The following WWOX variants were observed in gnomAD, a reference collection of about 807,000 sequenced individuals.
WWOX encodes WW domain-containing oxidoreductase.
A neutral mutation model predicts 46.2 loss-of-function variants in WWOX; 69 were observed. That is an observed-to-expected ratio of 1.49 (90% confidence interval 1.23 to 1.82). WWOX has a LOEUF of 1.82. Ranked by LOEUF, WWOX falls within the 40% of genes most tolerant of loss-of-function variation. The pLI, the probability that WWOX is intolerant of heterozygous loss-of-function variation, is 0.00. For missense variants in WWOX, 919 were observed against 542.6 expected (o/e 1.69, Z -6.89); for synonymous variants, 359 against 202.6 (o/e 1.77, Z -6.56).
At chr16:79,189,195 T>C (rs2150803165) in intron 8 of WWOX, among the ~76,000 whole-genome samples, 1 of 152,276 alleles carries the variant, frequency 6.6e-6, no homozygotes, top group Non-Finnish European at 1.5e-5. Context: ...TGGCATTTAA[T>C]TTTGGAAAAA....
chr16:78,948,363 A>G (rs2151299180), intron 8 of WWOX, among the ~76,000 whole-genome samples: 1 of 152,224 alleles, frequency 6.6e-6, no homozygotes, highest in African/African-American at 2.4e-5. Context: ...CTGATGTTGC[A>G]TAGAGCACTC....
intron 8 of WWOX, among the ~76,000 whole-genome samples, chr16:78,923,392 C>T (rs1359163061): frequency 5.3e-5 from 8 of 152,214 alleles, no homozygotes; most frequent in Non-Finnish European, 8.8e-5. Context: ...AAAAATAGAG[C>T]AGTCATTTTC....
intron 8 of WWOX, among the ~76,000 whole-genome samples, chr16:78,776,929 G>C (rs2050205710): frequency 6.6e-6 from 1 of 152,184 alleles, no homozygotes; most frequent in Admixed American, 6.5e-5. Flanking sequence ...AACATGTGGG[G>C]ATTACAGCTT....
intron 8 of WWOX, among the ~76,000 whole-genome samples, chr16:78,826,456 G>A (rs966884133): frequency 2.0e-5 from 3 of 152,198 alleles, no homozygotes; most frequent in African/African-American, 7.2e-5. Context: ...TCTGTTCCTT[G>A]CATCTTTCGT....
At chr16:78,931,680 A>G (rs913789197) in intron 8 of WWOX, among the ~76,000 whole-genome samples, 1 of 152,328 alleles carries the variant, frequency 6.6e-6, no homozygotes, top group South Asian at 2.1e-4. Flanking sequence ...TGCCTGGAAT[A>G]CAGAGGGACA....
At chr16:78,898,392 A>C (rs1244761344) in intron 8 of WWOX, 1 of 152,096 alleles carries the variant, frequency 6.6e-6, no homozygotes, top group Non-Finnish European at 1.5e-5. Context: ...CTATTTGTTC[A>C]AAGACTAATC....
At chr16:78,396,018 C>A (rs1282694913) in intron 6 of WWOX, among the ~76,000 whole-genome samples, 2 of 152,158 alleles carry the variant, frequency 1.3e-5, no homozygotes, top group Non-Finnish European at 2.9e-5. Context: ...TACAGTGGAA[C>A]CCCAGAGCAC....
chr16:79,169,734 A>G (rs948792690), intron 8 of WWOX, among the ~76,000 whole-genome samples: 1 of 152,198 alleles, frequency 6.6e-6, no homozygotes, highest in Non-Finnish European at 1.5e-5. Context: ...GATGGCTGGG[A>G]TCGCCAGTGC....
chr16:78,342,224 A>G (rs1270025127), intron 5 of WWOX, among the ~76,000 whole-genome samples: 2 of 121,616 alleles, frequency 1.6e-5, no homozygotes, highest in South Asian at 2.5e-4. Context: ...GTCAGGGTAC[A>G]TAAGTGTCAG....
At chr16:78,395,917 G>A (rs967150842) in intron 6 of WWOX, among the ~76,000 whole-genome samples, 2 of 151,970 alleles carry the variant, frequency 1.3e-5, no homozygotes, top group Non-Finnish European at 2.9e-5. Flanking sequence ...TTGATTTTAG[G>A]CATCTTTTTC....
chr16:79,007,647 T>G (rs761620928), intron 8 of WWOX, among the ~76,000 whole-genome samples: 2 of 152,214 alleles, frequency 1.3e-5, no homozygotes, highest in Non-Finnish European at 2.9e-5. Context: ...TAAACCTCAC[T>G]GCAGAGTTAT....
chr16:79,018,657 A>T (rs1280186499), intron 8 of WWOX, among the ~76,000 whole-genome samples: 3 of 152,174 alleles, frequency 2.0e-5, no homozygotes, highest in Admixed American at 6.5e-5. Flanking sequence ...CAAACATATC[A>T]TGCTCACCCC....
chr16:78,608,516 C>A (rs2550649), intron 8 of WWOX, among the ~76,000 whole-genome samples: 1 of 151,962 alleles, frequency 6.6e-6, no homozygotes, highest in Non-Finnish European at 1.5e-5. Flanking sequence ...GGAGTTCTCC[C>A]TGCTGTTGGG....
At chr16:78,278,731 T>G in intron 5 of WWOX, 1 of 1,415,328 alleles carries the variant, frequency 7.1e-7, no homozygotes, top group Non-Finnish European at 9.8e-7. Context: ...TTCCTGGTCT[T>G]TTCATGTTTT....
intron 8 of WWOX, among the ~76,000 whole-genome samples, chr16:79,028,727 C>G (rs148515570): frequency 2.0e-5 from 3 of 151,898 alleles, no homozygotes; most frequent in South Asian, 2.1e-4. Context: ...CTCTAAACTT[C>G]TTTCCACAAG....
intron 8 of WWOX, among the ~76,000 whole-genome samples, chr16:78,748,993 C>T (rs1338789542): frequency 6.6e-6 from 1 of 152,248 alleles, no homozygotes; most frequent in African/African-American, 2.4e-5. Flanking sequence ...AAATCAACGA[C>T]TGCAAGGTTT....
chr16:78,385,444 G>C (rs549549641), intron 5 of WWOX, among the ~76,000 whole-genome samples: 48 of 152,294 alleles, frequency 3.2e-4, no homozygotes, highest in African/African-American at 1.2e-3. Context: ...ACAAACCTAT[G>C]AGTAGATGAC....
chr16:79,172,227 C>G (rs771614558), intron 8 of WWOX, among the ~76,000 whole-genome samples: 3 of 152,224 alleles, frequency 2.0e-5, no homozygotes, highest in Non-Finnish European at 4.4e-5. Context: ...CCCCACTTGG[C>G]ACTGAGCCTT....
At chr16:78,702,617 T>A (rs749494642) in intron 8 of WWOX, among the ~76,000 whole-genome samples, 41 of 150,088 alleles carry the variant, frequency 2.7e-4, no homozygotes, top group Non-Finnish European at 4.4e-4. Flanking sequence ...ATTGCACCAC[T>A]GTACTTCAGC....
Sources: allele counts gnomAD v4.1 joint callset (sites outside exome capture counted in the v4.1 genomes callset), GRCh38; gene constraint gnomAD v4.1.1; transcripts MANE v1.5; gene names NCBI Gene and HGNC (gene_info 2026-07-23, HGNC 2026-07-21).